RAPH1: variants seen among roughly 807,000 people sequenced by gnomAD.
RAPH1 encodes Ras association (RalGDS/AF-6) and pleckstrin homology domains 1.
RAPH1 carries 18 observed loss-of-function variants against 88.1 expected under a neutral mutation model. The observed-to-expected ratio is 0.20, with a 90% CI of 0.14 to 0.30. The LOEUF is 0.30. Ranked by LOEUF, RAPH1 falls within the 10% of genes least tolerant of loss-of-function variation. The probability of loss-of-function intolerance (pLI) is 1.00; values close to 1 mark genes in which losing one functional copy is unlikely to be tolerated. For missense variants in RAPH1, 1,448 were observed against 1,543.2 expected (o/e 0.94, Z 1.03); for synonymous variants, 587 against 559.0 (o/e 1.05, Z -0.71).
chr2:203,463,345 A>G (rs1431908704), intron 4 of RAPH1, among the ~76,000 whole-genome samples: 1 of 152,226 alleles, frequency 6.6e-6, no homozygotes, highest in African/African-American at 2.4e-5. Context: ...ATTCATTAAA[A>G]AGCTAAAGCT....
At chr2:203,488,612 A>AC (rs1315554964) in intron 4 of RAPH1, among the ~76,000 whole-genome samples, 3 of 145,888 alleles carry the variant, frequency 2.1e-5, no homozygotes, top group South Asian at 4.3e-4. Context: ...AAAAAAAAAA[A>AC]AAAAAACCTG....
At chr2:203,513,210 G>T (rs1000540361) in intron 1 of RAPH1, among the ~76,000 whole-genome samples, 1 of 116,406 alleles carries the variant, frequency 8.6e-6, no homozygotes, top group African/African-American at 5.6e-5. Context: ...GCAGAAAAAT[G>T]GGGGGGGGAA....
chr2:203,439,983 G>A lies in RAPH1; in HGVS notation c.3207C>T (p.Ser1069=), dbSNP rs116768634. The change falls in exon 14 of 14, where the codon TCC becomes TCT. Residue 1069 remains serine, a synonymous_variant. Transcript: ENST00000319170. ...DSVVEFPSPP[S]DSDFPPPPPE... ...GTGGAGGGGGTGGAAAATCAGAATC[G>A]GATGGAGGAGAAGGAAATTCCACCA... 3.7e-5 allele frequency: 60 copies of A among 1,613,270 alleles called. No individual in the cohort carries two copies. The highest frequency in any genetic ancestry group is 4.8e-5 in the Non-Finnish European group (57 of 1,179,884).
chr2:203,485,160 T>C (rs776318096), intron 4 of RAPH1, among the ~76,000 whole-genome samples: 1 of 151,988 alleles, frequency 6.6e-6, no homozygotes, highest in African/African-American at 2.4e-5. Context: ...TCCCAGCACT[T>C]TGGGAGGCCG....
chr2:203,511,987 C>T (rs1689359251), intron 1 of RAPH1, among the ~76,000 whole-genome samples: 1 of 151,860 alleles, frequency 6.6e-6, no homozygotes, highest in African/African-American at 2.4e-5. Flanking sequence ...GTGGTGTTCC[C>T]CTATAGTCCC....
chr2:203,434,254 T>G lies in RAPH1; in HGVS notation c.*5183A>C, dbSNP rs1041340807. The G allele has an allele frequency of 3.3e-5, 5 of 152,352 alleles. No homozygotes were observed. Among genetic ancestry groups the G allele is most frequent in the African/African-American group, 7.3e-5 (3 of 41,208 alleles). The allele number at this position is 152,352 out of a possible 1,614,324, so 9.4% of individuals were successfully genotyped here. A position where few individuals can be genotyped will look rare whatever the true frequency, so the allele number is the denominator to read the frequency against. On this transcript the variant is annotated 3_prime_UTR_variant, in exon 14 of 14. Coordinates refer to ENST00000319170, the MANE Select transcript of RAPH1 (RefSeq NM_213589.3). ...GTACATTATAATGAAGTTCCTTGTCTTCTTCATGCTTTAAAAAAGTATACT... is the reference window on the plus strand; with the variant it reads ...GTACATTATAATGAAGTTCCTTGTCGTCTTCATGCTTTAAAAAAGTATACT...
intron 1 of RAPH1, among the ~76,000 whole-genome samples, chr2:203,534,104 G>A (rs1690506331): frequency 6.6e-6 from 1 of 152,102 alleles, no homozygotes; most frequent in African/African-American, 2.4e-5. Flanking sequence ...TTAATAATCC[G>A]ATCACGCCTC....
At chr2:203,453,473 G>GA (rs1367990528) in intron 10 of RAPH1, among the ~76,000 whole-genome samples, 1 of 135,956 alleles carries the variant, frequency 7.4e-6, no homozygotes, top group Non-Finnish European at 1.5e-5. Flanking sequence ...TGGAGCCTGA[G>GA]AAGTCGAGGC....
At chr2:203,455,294 T>C (rs889212530) in intron 9 of RAPH1, 143 bp downstream of exon 9, 5 of 696,266 alleles carry the variant, frequency 7.2e-6, no homozygotes, top group Non-Finnish European at 1.1e-5. Flanking sequence ...TTCTTTATAA[T>C]AGATTAATAA....
At chr2:203,477,093 GTTC>G (rs753441903) in intron 4 of RAPH1, 3 of 1,613,504 alleles carry the variant, frequency 1.9e-6, no homozygotes, top group Middle Eastern at 1.6e-4. Context: ...AGCTCAGCCT[GTTC>G]TTCTGTGAAG....
chr2:203,496,996 G>A (rs1384537823), intron 1 of RAPH1, among the ~76,000 whole-genome samples: 1 of 152,166 alleles, frequency 6.6e-6, no homozygotes, highest in Non-Finnish European at 1.5e-5. Flanking sequence ...ATATACATAT[G>A]CCATGGTGTT....
At chr2:203,517,510 C>A (rs994558483) in intron 1 of RAPH1, among the ~76,000 whole-genome samples, 1 of 151,968 alleles carries the variant, frequency 6.6e-6, no homozygotes, top group Non-Finnish European at 1.5e-5. Context: ...CACCATCAAT[C>A]ACCTGGATAT....
rs929945596 is a variant in RAPH1, at chr2:203,504,684, A to T, written c.1-9331T>A. ...TGAATTTCTCCTAAAAAAAAAAAAA[A>T]AGTTTGTCTTTTCTACTGCATCATC... On this transcript the variant is annotated intron_variant, in intron 1 of 13. Transcript: ENST00000319170. 1.4e-4 allele frequency among the ~76,000 whole-genome samples: 21 copies of T among 152,084 alleles called. No homozygotes were observed. The East Asian group carries it at 3.9e-3, about 28-fold the overall frequency.
intron 1 of RAPH1, among the ~76,000 whole-genome samples, chr2:203,527,167 C>T (rs578104067): frequency 6.6e-6 from 1 of 152,270 alleles, no homozygotes; most frequent in Admixed American, 6.5e-5. Flanking sequence ...TGATGATTCA[C>T]TGGGGTATAC....
intron 1 of RAPH1, among the ~76,000 whole-genome samples, chr2:203,499,674 T>C (rs112708353): frequency 0.042 from 6,376 of 152,124 alleles, 180 homozygotes; most frequent in Non-Finnish European, 0.065. Flanking sequence ...GATCGTGCCA[T>C]TGCTCTCCAG....
intron 4 of RAPH1, among the ~76,000 whole-genome samples, chr2:203,463,264 G>GA (rs1223539721): frequency 2.6e-5 from 4 of 151,176 alleles, no homozygotes; most frequent in Non-Finnish European, 2.9e-5. Flanking sequence ...AGTCTAAGAA[G>GA]AAAAAATCCT....
chr2:203,506,848 A>G (rs1413212513), intron 1 of RAPH1, among the ~76,000 whole-genome samples: 4 of 38,192 alleles, frequency 1.0e-4, no homozygotes, highest in Admixed American at 3.1e-4. Flanking sequence ...CTATATATCT[A>G]TCTATATCTA....
intron 1 of RAPH1, among the ~76,000 whole-genome samples, chr2:203,533,932 C>T (rs1690499334): frequency 6.6e-6 from 1 of 152,164 alleles, no homozygotes; most frequent in South Asian, 2.1e-4. Flanking sequence ...AATAGCTTAT[C>T]CAACTCACAT....
In RAPH1 at chr2:203,441,233, A is replaced by T; in HGVS notation, c.1957T>A (p.Ser653Thr). Reference protein sequence around the residue: ...PPPPPPLPSQSAPSAGSAAPM... With the variant: ...PPPPPPLPSQTAPSAGSAAPM... Reference sequence around the variant, plus strand: ...GCTGCTGAGCCTGCAGAAGGTGCAGACTGGCTGGGGAGTGGGGGAGGAGGG... The same window carrying T: ...GCTGCTGAGCCTGCAGAAGGTGCAGTCTGGCTGGGGAGTGGGGGAGGAGGG... The change falls in exon 14 of 14, where the codon TCT becomes ACT. Residue 653 changes from serine (S) to threonine (T), a missense_variant. Physicochemically the swap from Ser to Thr is moderately conservative, Grantham distance 58. Transcript: ENST00000319170. The T allele has an allele frequency of 8.8e-7, 1 of 1,130,074 alleles. No individual in the cohort carries two copies. The highest frequency in any genetic ancestry group is 1.1e-6 in the Non-Finnish European group (1 of 880,752). 70.0% of individuals were successfully genotyped at this position (1,130,074 alleles called of 1,614,324 possible).
Sources: allele counts gnomAD v4.1 joint callset (sites outside exome capture counted in the v4.1 genomes callset), GRCh38; gene constraint gnomAD v4.1.1; transcripts MANE v1.5; gene names NCBI Gene and HGNC (gene_info 2026-07-23, HGNC 2026-07-21).